The following ATG7 variants were observed in gnomAD, a reference collection of about 807,000 sequenced individuals.
ATG7 encodes the protein autophagy related 7, also known as ubiquitin-like modifier-activating enzyme ATG7.
In ATG7, 70 loss-of-function variants were observed where a neutral mutation model predicts 82.4. The observed-to-expected ratio is 0.85, with a 90% CI of 0.70 to 1.04. The LOEUF is 1.04. Among genes scored for constraint, ATG7 ranks in the 50% least tolerant of loss-of-function variants. The pLI is 0.00. For missense variants in ATG7, 792 were observed against 864.3 expected (o/e 0.92, Z 1.05); for synonymous variants, 287 against 313.0 (o/e 0.92, Z 0.88).
chr3:11,331,574 T>G (rs1291870357), intron 10 of ATG7, 146 bp downstream of exon 10: 2 of 726,718 alleles, frequency 2.8e-6, no homozygotes, highest in Non-Finnish European at 4.7e-6. Context: ...AATAAATCAG[T>G]CATAACCCAA....
intron 20 of ATG7, among the ~76,000 whole-genome samples, chr3:11,469,702 G>A (rs2087230178): frequency 6.6e-6 from 1 of 151,810 alleles, no homozygotes; most frequent in Admixed American, 6.6e-5. Context: ...ATGGTGTACT[G>A]GGGCCAAGCA....
At chr3:11,300,108 G>A (rs1035807399) in intron 5 of ATG7, among the ~76,000 whole-genome samples, 5 of 151,838 alleles carry the variant, frequency 3.3e-5, no homozygotes, top group Admixed American at 1.3e-4. Flanking sequence ...TATTTTTTTG[G>A]TAGAGACAGT....
At chr3:11,573,256 A>C in the ATG7 span, among the ~76,000 whole-genome samples, 2 of 7,628 alleles carry the variant, frequency 2.6e-4, no homozygotes, top group Admixed American at 3.9e-3. Context: ...AGAAAGAAAG[A>C]AAGAAAGAAA....
intron 20 of ATG7, among the ~76,000 whole-genome samples, chr3:11,431,604 A>G (rs758760177): frequency 2.0e-5 from 3 of 152,148 alleles, no homozygotes; most frequent in Non-Finnish European, 4.4e-5. Flanking sequence ...TTCTGTCTGT[A>G]AGGATTTTTC....
intron 20 of ATG7, among the ~76,000 whole-genome samples, chr3:11,540,394 C>T (rs1159804175): frequency 1.3e-5 from 2 of 152,124 alleles, no homozygotes; most frequent in African/African-American, 2.4e-5. Context: ...ATCTTTTGCC[C>T]ATGTTTCCAT....
chr3:11,505,685 A>T (rs1445393900), intron 20 of ATG7, among the ~76,000 whole-genome samples: 1 of 152,224 alleles, frequency 6.6e-6, no homozygotes, highest in East Asian at 1.9e-4. Context: ...GCCAAGAATT[A>T]GGGAAATTCA....
intron 19 of ATG7, among the ~76,000 whole-genome samples, chr3:11,406,446 C>G (rs1292999011): frequency 2.0e-5 from 3 of 152,064 alleles, no homozygotes; most frequent in East Asian, 3.9e-4. Context: ...ACTGAGATTA[C>G]AAGCACCTGC....
intron 20 of ATG7, among the ~76,000 whole-genome samples, chr3:11,441,630 C>T (rs1470416503): frequency 6.7e-6 from 1 of 149,656 alleles, no homozygotes; most frequent in African/African-American, 2.5e-5. Flanking sequence ...TTTATCTGTA[C>T]TCTGTTTCTT....
chr3:11,451,908 C>T (rs537856637), intron 20 of ATG7, among the ~76,000 whole-genome samples: 26 of 151,540 alleles, frequency 1.7e-4, no homozygotes, highest in African/African-American at 5.8e-4. Context: ...CACAGACACA[C>T]ACACACACAC....
chr3:11,348,340 A>G, intron 14 of ATG7: 1 of 283,524 alleles, frequency 3.5e-6, no homozygotes. Flanking sequence ...CAGCTCTTAA[A>G]GATGATGTGT....
chr3:11,477,293 A>G lies in ATG7; in HGVS notation c.2079+50367A>G, dbSNP rs979217567. 20 of 1,203,624 alleles carry G rather than the reference A, an allele frequency of 1.7e-5. No homozygotes were observed. The African/African-American group carries it at 2.7e-4, about 16-fold the overall frequency. The allele number at this position is 1,203,624 out of a possible 1,614,324, so 74.6% of individuals were successfully genotyped here. A position where few individuals can be genotyped will look rare whatever the true frequency, so the allele number is the denominator to read the frequency against. On this transcript the variant is annotated intron_variant, in intron 20 of 20. Coordinates refer to ENST00000693202, the MANE Select transcript of ATG7 (RefSeq NM_001349232.2). ...GGTAGATGAACAATGATGATAAAAT[A>G]AAATGTAAATAAGAATTTTTGTGCT...
At chr3:11,399,160 C>G (rs1015858792) in intron 19 of ATG7, among the ~76,000 whole-genome samples, 3 of 152,070 alleles carry the variant, frequency 2.0e-5, no homozygotes, top group African/African-American at 7.2e-5. Context: ...CCAGCCTGGC[C>G]AACATGGTGA....
At chr3:11,474,436 C>T (rs1342994693) in intron 20 of ATG7, among the ~76,000 whole-genome samples, 1 of 152,098 alleles carries the variant, frequency 6.6e-6, no homozygotes, top group Non-Finnish European at 1.5e-5. Flanking sequence ...TCTGGCTCTA[C>T]AAAAAATACA....
chr3:11,362,709 C>G (rs1310333842), intron 16 of ATG7, 104 bp from the exon 17 acceptor site: 3 of 844,556 alleles, frequency 3.6e-6, no homozygotes, highest in East Asian at 2.8e-5. Flanking sequence ...CAATGAGCAT[C>G]TGGTTATAAT....
At chr3:11,522,755 C>A (rs77422734) in intron 20 of ATG7, among the ~76,000 whole-genome samples, 1 of 152,180 alleles carries the variant, frequency 6.6e-6, no homozygotes, top group Admixed American at 6.5e-5. Context: ...CCTTCAAAAT[C>A]GCCTGTCAAA....
At chr3:11,417,127 T>C (rs147273379) in intron 19 of ATG7, among the ~76,000 whole-genome samples, 1 of 152,306 alleles carries the variant, frequency 6.6e-6, no homozygotes, top group East Asian at 1.9e-4. Context: ...TCCATGTGAA[T>C]GTGAGAAGAA....
intron 20 of ATG7, among the ~76,000 whole-genome samples, chr3:11,484,862 A>AG (rs2089446787): frequency 6.6e-6 from 1 of 152,168 alleles, no homozygotes; most frequent in African/African-American, 2.4e-5. Flanking sequence ...GTCCCTACAA[A>AG]GGACATGAAC....
intron 14 of ATG7, among the ~76,000 whole-genome samples, chr3:11,349,884 TAAC>T (rs1304345064): frequency 6.6e-6 from 1 of 152,246 alleles, no homozygotes; most frequent in Non-Finnish European, 1.5e-5. Context: ...AAATACCAGA[TAAC>T]AAGAGAAAAG....
chr3:11,541,137 T>A (rs1214727249), intron 20 of ATG7, among the ~76,000 whole-genome samples: 1 of 152,170 alleles, frequency 6.6e-6, no homozygotes, highest in Admixed American at 6.5e-5. Flanking sequence ...CCTGACTTCG[T>A]GATCCGCCCG....
Sources: allele counts gnomAD v4.1 joint callset (sites outside exome capture counted in the v4.1 genomes callset), GRCh38; gene constraint gnomAD v4.1.1; transcripts MANE v1.5; gene names NCBI Gene and HGNC (gene_info 2026-07-23, HGNC 2026-07-21).